DCC: variants seen among roughly 807,000 people sequenced by gnomAD.
DCC encodes the protein DCC netrin 1 receptor, also known as netrin receptor DCC.
DCC carries 58 observed loss-of-function variants against 172.5 expected under a neutral mutation model. The observed-to-expected ratio is 0.34, with a 90% CI of 0.27 to 0.42. The LOEUF (loss-of-function observed/expected upper bound fraction) is 0.42. DCC is among the 10% of genes least tolerant of loss of function. DCC has a pLI of 1.00. For synonymous variants in DCC, 709 were observed against 644.5 expected (o/e 1.10, Z -1.52); for missense variants, 1,740 against 1,791.0 (o/e 0.97, Z 0.51).
At chr18:52,977,826 A>C (rs990862312) in intron 5 of DCC, among the ~76,000 whole-genome samples, 32 of 151,642 alleles carry the variant, frequency 2.1e-4, no homozygotes, top group Admixed American at 1.3e-4. Context: ...CAGAGCTTGC[A>C]GTGAGCCAAG....
chr18:53,204,931 C>T (rs900463494), intron 9 of DCC, among the ~76,000 whole-genome samples: 20 of 152,164 alleles, frequency 1.3e-4, no homozygotes, highest in African/African-American at 4.1e-4. Flanking sequence ...CACAATCCCA[C>T]TCTTTGCTGC....
At chr18:53,422,257 C>A (rs553263141) in intron 21 of DCC, among the ~76,000 whole-genome samples, 2 of 152,150 alleles carry the variant, frequency 1.3e-5, no homozygotes. Context: ...ACTTGCATAA[C>A]CTTCCTCTAT....
chr18:53,511,619 A>G (rs969683), intron 27 of DCC, among the ~76,000 whole-genome samples: 76,845 of 151,992 alleles, frequency 0.51, 20,833 homozygotes, highest in East Asian at 0.75. Flanking sequence ...TGCGCGAGCC[A>G]AAGCAGGGCG....
At chr18:52,362,890 T>G (rs1321082961) in intron 1 of DCC, among the ~76,000 whole-genome samples, 7 of 152,160 alleles carry the variant, frequency 4.6e-5, no homozygotes, top group Non-Finnish European at 8.8e-5. Flanking sequence ...ATTTCCTTCC[T>G]TCCTTCCTTC....
Position 53,226,948 on chromosome 18 carries a change from A to ATATATATATTTTTTTTT in DCC, c.1911+11352_1911+11353insATATATATTTTTTTTTT. 2.1e-4 allele frequency among the ~76,000 whole-genome samples: 11 copies of ATATATATATTTTTTTTT among 52,950 alleles called. 1 individual carries two copies. The highest frequency in any genetic ancestry group is 1.0e-3 in the African/African-American group (11 of 10,614). The allele number at this position is 52,950 out of a possible 152,430, so 34.7% of individuals were successfully genotyped here. A position where few individuals can be genotyped will look rare whatever the true frequency, so the allele number is the denominator to read the frequency against. ...TGTGTGTGTGTGTATATATATATAT[A>ATATATATATTTTTTTTT]TTTTTTTTTTTTTTTTTTTGAGGCA... On this transcript the variant is annotated intron_variant, in intron 12 of 28. Transcript: ENST00000442544.
chr18:53,322,067 T>C lies in DCC; in HGVS notation c.2074T>C (p.Tyr692His). Residue 692 changes from tyrosine (Y) to histidine (H), a missense_variant, in exon 14 of 29, where the codon TAC becomes CAC. Physicochemically the swap from Tyr to His is moderately conservative, Grantham distance 83 (BLOSUM62 2). Transcript: ENST00000442544. The part of the protein sequence containing the change: ...LFTGLEKGSQ[Y>H]SFQVSAMTVN... ...CATAGGACTGGAGAAAGGAAGTCAG[T>C]ACAGTTTCCAGGTGTCAGCCATGAC... The C allele has an allele frequency of 1.9e-6, 3 of 1,605,670 alleles. No individual in the cohort carries two copies. Among genetic ancestry groups the C allele is most frequent in the Non-Finnish European group, 2.6e-6 (3 of 1,172,238 alleles).
chr18:53,351,335 G>GTATATATATATAC lies in DCC; in HGVS notation c.2359+11429_2359+11430insATATATATATACT, dbSNP rs1491277866. On this transcript the variant is annotated intron_variant, in intron 15 of 28. Transcript: ENST00000442544. The stretch of plus-strand genomic sequence containing the variant: ...TATATACACTGTATATATATATACA[G>GTATATATATATAC]TGTATATATATATACACAGTATATA... 1.3e-3 allele frequency among the ~76,000 whole-genome samples: 12 copies of GTATATATATATAC among 9,352 alleles called. 1 individual carries two copies. The East Asian group carries it at 0.056, about 44-fold the overall frequency. 6.1% of individuals were successfully genotyped at this position (9,352 alleles called of 152,430 possible).
chr18:53,515,155 C>T (rs1161332283), intron 27 of DCC, among the ~76,000 whole-genome samples: 2 of 151,516 alleles, frequency 1.3e-5, no homozygotes, highest in Non-Finnish European at 1.5e-5. Context: ...ATACGCAAAT[C>T]AATAAATGTA....
At chr18:52,725,280 C>T (rs2036534804) in intron 1 of DCC, among the ~76,000 whole-genome samples, 1 of 152,188 alleles carries the variant, frequency 6.6e-6, no homozygotes, top group Non-Finnish European at 1.5e-5. Flanking sequence ...GTGATCAGTA[C>T]ACATTCCATT....
At chr18:53,236,807 C>T (rs1451525285) in intron 12 of DCC, among the ~76,000 whole-genome samples, 1 of 151,930 alleles carries the variant, frequency 6.6e-6, no homozygotes, top group Non-Finnish European at 1.5e-5. Context: ...TTTGTCGGCA[C>T]CATTTATTAA....
intron 8 of DCC, among the ~76,000 whole-genome samples, chr18:53,178,545 A>G (rs536485774): frequency 6.6e-6 from 1 of 152,298 alleles, no homozygotes; most frequent in East Asian, 1.9e-4. Context: ...GGCAATACTG[A>G]CAAAGACCGA....
At chr18:53,288,831 T>G (rs1420387697) in intron 12 of DCC, among the ~76,000 whole-genome samples, 1 of 152,192 alleles carries the variant, frequency 6.6e-6, no homozygotes, top group Non-Finnish European at 1.5e-5. Flanking sequence ...GAGAATAGAC[T>G]TGCTCTTTCT....
intron 23 of DCC, among the ~76,000 whole-genome samples, chr18:53,453,701 G>A (rs2045445911): frequency 6.6e-6 from 1 of 152,044 alleles, no homozygotes; most frequent in Non-Finnish European, 1.5e-5. Flanking sequence ...TCTAGTTCTG[G>A]GTTCTACTGC....
chr18:53,500,700 G>A (rs546467192), intron 27 of DCC, among the ~76,000 whole-genome samples: 90 of 151,948 alleles, frequency 5.9e-4, no homozygotes, highest in African/African-American at 2.0e-3. Flanking sequence ...CCCCTGGGAG[G>A]TGGAGTGGAG....
chr18:52,855,326 AGATT>A (rs2039035176), intron 2 of DCC, among the ~76,000 whole-genome samples: 1 of 152,246 alleles, frequency 6.6e-6, no homozygotes, highest in South Asian at 2.1e-4. Flanking sequence ...GTAAAAGAGT[AGATT>A]GTTTTGACAT....
At chr18:52,910,883 A>G (rs920961952) in intron 3 of DCC, among the ~76,000 whole-genome samples, 1 of 152,134 alleles carries the variant, frequency 6.6e-6, no homozygotes, top group East Asian at 1.9e-4. Context: ...GGACTAAAAT[A>G]TACATGATTT....
Position 53,217,253 on chromosome 18 carries a change from T to C in DCC, c.1911+1656T>C, listed in dbSNP as rs554767167. ...AATTCCTGGATTGCAAAATTGACTA[T>C]ATATATTATACACACACACACACAC... On this transcript the variant is annotated intron_variant, in intron 12 of 28. Coordinates refer to ENST00000442544, the MANE Select transcript of DCC (RefSeq NM_005215.4). 6.3e-5 allele frequency among the ~76,000 whole-genome samples: 9 copies of C among 143,176 alleles called. No individual in the cohort carries two copies. In the East Asian group the frequency reaches 1.3e-3, roughly 21 times the overall value. The allele number at this position is 143,176 out of a possible 152,430, so 93.9% of individuals were successfully genotyped here.
chr18:52,380,849 T>C (rs1985555785), intron 1 of DCC, among the ~76,000 whole-genome samples: 1 of 152,102 alleles, frequency 6.6e-6, no homozygotes, highest in Non-Finnish European at 1.5e-5. Context: ...CATTGTAGCA[T>C]GGGGACTCTG....
chr18:52,551,147 G>C (rs1360450848), intron 1 of DCC, among the ~76,000 whole-genome samples: 2 of 151,914 alleles, frequency 1.3e-5, no homozygotes, highest in African/African-American at 4.8e-5. Flanking sequence ...TGTGGTCAGT[G>C]GCAAAAGTAC....
Sources: allele counts gnomAD v4.1 joint callset (sites outside exome capture counted in the v4.1 genomes callset), GRCh38; gene constraint gnomAD v4.1.1; transcripts MANE v1.5; gene names NCBI Gene and HGNC (gene_info 2026-07-23, HGNC 2026-07-21).